Variants in ARB2A observed in about 807,000 individuals in gnomAD.
ARB2A encodes cotranscriptional regulator ARB2A.
At chr5:93,996,366 T>C in the ARB2A span, among the ~76,000 whole-genome samples, 1 of 152,066 alleles carries the variant, frequency 6.6e-6, no homozygotes, top group African/African-American at 2.4e-5. Context: ...TTTGTAAAAT[T>C]ATTAGAAAAA....
chr5:93,799,425 T>C, the ARB2A span, among the ~76,000 whole-genome samples: 2 of 152,234 alleles, frequency 1.3e-5, no homozygotes, highest in African/African-American at 4.8e-5. Flanking sequence ...ATCTTTTCTA[T>C]AGACATACTA....
At chr5:93,815,001 C>G in the ARB2A span, among the ~76,000 whole-genome samples, 1 of 151,986 alleles carries the variant, frequency 6.6e-6, no homozygotes, top group Non-Finnish European at 1.5e-5. Context: ...CCATGCCTGG[C>G]TAATTTTTTT....
the ARB2A span, among the ~76,000 whole-genome samples, chr5:93,917,932 C>T: frequency 6.6e-6 from 1 of 152,070 alleles, no homozygotes; most frequent in Non-Finnish European, 1.5e-5. Context: ...TTCCTTGTCC[C>T]ATTTCCCTGT....
the ARB2A span, among the ~76,000 whole-genome samples, chr5:93,779,954 A>C: frequency 0.016 from 2,442 of 152,266 alleles, 45 homozygotes; most frequent in South Asian, 0.072. Context: ...ATTTCAGAGT[A>C]GGTTTGAAAT....
At chr5:94,088,299 G>A in the ARB2A span, among the ~76,000 whole-genome samples, 4 of 151,998 alleles carry the variant, frequency 2.6e-5, no homozygotes, top group Non-Finnish European at 2.9e-5. Context: ...TTTTACATCC[G>A]CTATTACAAA....
the ARB2A span, among the ~76,000 whole-genome samples, chr5:93,966,499 G>C: frequency 6.6e-6 from 1 of 152,014 alleles, no homozygotes; most frequent in Non-Finnish European, 1.5e-5. Flanking sequence ...ACACGATAGA[G>C]CAAGTCTGGA....
At chr5:93,964,923 C>T in the ARB2A span, among the ~76,000 whole-genome samples, 2 of 151,864 alleles carry the variant, frequency 1.3e-5, no homozygotes, top group East Asian at 3.9e-4. Context: ...TTTGTGTTCA[C>T]TGAATCGAGG....
the ARB2A span, among the ~76,000 whole-genome samples, chr5:94,031,182 GA>G: frequency 6.6e-6 from 1 of 152,096 alleles, no homozygotes; most frequent in Non-Finnish European, 1.5e-5. Context: ...GAGTAAGCTA[GA>G]AAAAAACCTC....
the ARB2A span, among the ~76,000 whole-genome samples, chr5:94,096,688 C>T: frequency 1.3e-5 from 2 of 152,154 alleles, no homozygotes; most frequent in South Asian, 4.2e-4. Flanking sequence ...GCCACGATGG[C>T]CAGCTAAAAG....
the ARB2A span, among the ~76,000 whole-genome samples, chr5:93,676,816 C>G: frequency 6.6e-6 from 1 of 152,162 alleles, no homozygotes; most frequent in Admixed American, 6.5e-5. Context: ...GTATCCAGCT[C>G]ACTGCTGCAT....
At chr5:93,916,204 GA>G in the ARB2A span, among the ~76,000 whole-genome samples, 1 of 152,092 alleles carries the variant, frequency 6.6e-6, no homozygotes, top group Non-Finnish European at 1.5e-5. Context: ...TGTGAATTGT[GA>G]GAAAAACTGA....
chr5:93,845,577 T>G, the ARB2A span, among the ~76,000 whole-genome samples: 51 of 152,324 alleles, frequency 3.3e-4, no homozygotes, highest in Non-Finnish European at 6.3e-4. Flanking sequence ...CACTAACTTG[T>G]GCTGGCACAA....
chr5:94,033,765 G>T, the ARB2A span, among the ~76,000 whole-genome samples: 1 of 152,104 alleles, frequency 6.6e-6, no homozygotes, highest in African/African-American at 2.4e-5. Context: ...CATGAGTTTT[G>T]GGGAGACACA....
At chr5:93,825,913 T>C in the ARB2A span, among the ~76,000 whole-genome samples, 1 of 151,732 alleles carries the variant, frequency 6.6e-6, no homozygotes, top group African/African-American at 2.4e-5. Context: ...TAATAAATAT[T>C]TTCTGTTGAA....
At chr5:93,633,901 G>T in the ARB2A span, among the ~76,000 whole-genome samples, 1 of 151,958 alleles carries the variant, frequency 6.6e-6, no homozygotes, top group East Asian at 2.0e-4. Flanking sequence ...TGCCTCCAAG[G>T]CTCAAGAAAT....
the ARB2A span, among the ~76,000 whole-genome samples, chr5:93,882,214 C>T: frequency 6.6e-6 from 1 of 151,420 alleles, no homozygotes; most frequent in South Asian, 2.1e-4. Flanking sequence ...TTTAACATTA[C>T]AAAACCATCC....
At chr5:93,648,346 T>C in the ARB2A span, among the ~76,000 whole-genome samples, 12 of 152,214 alleles carry the variant, frequency 7.9e-5, no homozygotes, top group African/African-American at 2.9e-4. Flanking sequence ...AGAATATGAT[T>C]AAAATATGCT....
At chr5:93,901,401 C>G in the ARB2A span, among the ~76,000 whole-genome samples, 1,215 of 152,242 alleles carry the variant, frequency 8.0e-3, 9 homozygotes, top group Non-Finnish European at 0.013. Context: ...CAGCATATGG[C>G]TGAACAGAAG....
the ARB2A span, among the ~76,000 whole-genome samples, chr5:93,812,602 A>T: frequency 6.6e-6 from 1 of 152,170 alleles, no homozygotes; most frequent in Non-Finnish European, 1.5e-5. Flanking sequence ...TGGTGAATGC[A>T]GTATGGAAAT....
Sources: gnomAD v4.1 joint callset for allele counts (sites outside exome capture counted in the v4.1 genomes callset) on GRCh38, gnomAD v4.1.1 for gene constraint, MANE v1.5 for transcripts, NCBI Gene and HGNC (gene_info 2026-07-23, HGNC 2026-07-21) for gene names.